GABPB2: variants seen among roughly 807,000 people sequenced by gnomAD.
The protein encoded by GABPB2 is GA binding protein transcription factor subunit beta 2, also known as GA-binding protein subunit beta-2.
GABPB2 carries 23 observed loss-of-function variants against 39.1 expected under a neutral mutation model. The observed-to-expected ratio is 0.59, with a 90% confidence interval of 0.42 to 0.83. The LOEUF (loss-of-function observed/expected upper bound fraction) is 0.83. GABPB2 is among the 40% of genes least tolerant of loss of function. The pLI, the probability that GABPB2 is intolerant of heterozygous loss-of-function variation, is 0.00. For synonymous variants in GABPB2, 184 were observed against 199.3 expected (o/e 0.92, Z 0.65); for missense variants, 467 against 541.1 (o/e 0.86, Z 1.36).
rs587643066 is a variant in GABPB2, at chr1:151,094,493, G to A, written c.471+1107G>A. 1.7e-4 allele frequency among the ~76,000 whole-genome samples: 25 copies of A among 148,938 alleles called. No homozygotes were observed. In the South Asian group the frequency reaches 5.4e-3, roughly 32 times the overall value. On this transcript the variant is annotated intron_variant, in intron 4 of 8. Coordinates refer to ENST00000368918, the MANE Select transcript of GABPB2 (RefSeq NM_144618.3). Reference sequence around the variant, plus strand: ...GCCTCCTGAGTAGCTGAGATTACAGGCACCTGCCATCATGCCCAGCTAATT... The same window carrying A: ...GCCTCCTGAGTAGCTGAGATTACAGACACCTGCCATCATGCCCAGCTAATT...
rs587712280 is a variant in GABPB2 at position 151,082,982 on chromosome 1, A to T, written c.1-5208A>T. ...CAGAAAAAGACCCTGTCTCAAAAAA[A>T]AAAAAAAGAAAAGAAAAAGTTAGTT... On this transcript the variant is annotated intron_variant, in intron 1 of 8. Coordinates refer to ENST00000368918, the MANE Select transcript of GABPB2 (RefSeq NM_144618.3). Among the ~76,000 whole-genome samples, 309 of 152,028 alleles carry T rather than the reference A, an allele frequency of 2.0e-3. 2 individuals carry two copies. The highest frequency in any genetic ancestry group is 7.0e-3 in the African/African-American group (292 of 41,502).
intron 2 of GABPB2, among the ~76,000 whole-genome samples, chr1:151,088,873 G>A (rs1261517405): frequency 6.6e-6 from 1 of 152,150 alleles, no homozygotes; most frequent in African/African-American, 2.4e-5. Flanking sequence ...GGTGGCGCAC[G>A]CCTGTAATCC....
chr1:151,098,869 A>C (rs1396251956), intron 5 of GABPB2, among the ~76,000 whole-genome samples: 2 of 152,082 alleles, frequency 1.3e-5, no homozygotes, highest in Non-Finnish European at 2.9e-5. Context: ...GGATCACCTG[A>C]AGTCAGAAGT....
intron 1 of GABPB2, among the ~76,000 whole-genome samples, chr1:151,082,392 CTTTTTTTTTT>C (rs35044606): frequency 2.1e-5 from 1 of 48,000 alleles, no homozygotes; most frequent in Non-Finnish European, 3.5e-5. Context: ...GTGGTAATTT[CTTTTTTTTTT>C]TTTTTTTTTT....
chr1:151,112,724 C>A, intron 7 of GABPB2: 1 of 209,702 alleles, frequency 4.8e-6, no homozygotes, highest in Admixed American at 4.3e-5. Context: ...CTGCTGGTAA[C>A]CCATCTTGCT....
intron 1 of GABPB2, 91 bp from the exon 2 acceptor site, chr1:151,088,099 C>A (rs1176906801): frequency 7.2e-6 from 6 of 836,592 alleles, no homozygotes; most frequent in South Asian, 1.5e-5. Flanking sequence ...TATATACATT[C>A]AAATATAAGA....
intron 7 of GABPB2, among the ~76,000 whole-genome samples, chr1:151,109,364 A>ATATATT (rs779537595): frequency 3.3e-4 from 37 of 112,368 alleles, no homozygotes; most frequent in Middle Eastern, 0.01. Flanking sequence ...ATATATATAT[A>ATATATT]TTTTTTTTTT....
At chr1:151,091,025 CAAAA>C (rs1217157835) in intron 3 of GABPB2, among the ~76,000 whole-genome samples, 8 of 148,582 alleles carry the variant, frequency 5.4e-5, no homozygotes, top group Non-Finnish European at 7.4e-5. Context: ...AACAAAAAAA[CAAAA>C]AAACAAAAAA....
At chr1:151,088,169 C>T in intron 1 of GABPB2, 21 bp from the exon 2 acceptor site, 1 of 1,582,772 alleles carries the variant, frequency 6.3e-7, no homozygotes, top group East Asian at 2.2e-5. Context: ...TACCTGAAAA[C>T]TTTTGTTCCT....
chr1:151,091,805 G>T (rs1678735279), intron 3 of GABPB2, among the ~76,000 whole-genome samples: 1 of 151,838 alleles, frequency 6.6e-6, no homozygotes, highest in Non-Finnish European at 1.5e-5. Flanking sequence ...TTTGAGACAG[G>T]GTCTCACTCT....
chr1:151,100,466 A>C (rs1177279130), intron 5 of GABPB2, among the ~76,000 whole-genome samples: 1 of 150,492 alleles, frequency 6.6e-6, no homozygotes, highest in African/African-American at 2.4e-5. Flanking sequence ...TTTTTAGTAG[A>C]GATGGGGTTT....
chr1:151,075,623 C>T (rs993971095), intron 1 of GABPB2, among the ~76,000 whole-genome samples: 6 of 148,458 alleles, frequency 4.0e-5, no homozygotes, highest in South Asian at 2.2e-4. Flanking sequence ...ACAGGAGAAT[C>T]GCTACAACCT....
At position 151,118,129 on chromosome 1, in the gene GABPB2, A is replaced by C. The variant is rs1222475328; in HGVS notation, c.1220A>C (p.Glu407Ala). The C allele has an allele frequency of 6.2e-7, 1 of 1,614,142 alleles. No homozygotes were observed. Among genetic ancestry groups the C allele is most frequent in the Non-Finnish European group, 8.5e-7 (1 of 1,180,026 alleles). The change falls in exon 9 of 9, where the codon GAG becomes GCG. Residue 407 changes from glutamate (E) to alanine (A), a missense_variant. Glu to Ala is a moderately radical substitution (Grantham distance 107). Coordinates refer to ENST00000368918, the MANE Select transcript of GABPB2 (RefSeq NM_144618.3). ...PNGVDFTMVE[E>A]VAEVDAVVVT... is the part of the protein sequence containing the mutation. Reference sequence around the variant, plus strand: ...GGAGTTGATTTCACCATGGTTGAAGAGGTGGCTGAGGTAGATGCTGTAGTA... The same window carrying C: ...GGAGTTGATTTCACCATGGTTGAAGCGGTGGCTGAGGTAGATGCTGTAGTA...
intron 5 of GABPB2, 118 bp from the exon 6 acceptor site, chr1:151,103,444 G>T: frequency 1.6e-6 from 1 of 622,440 alleles, no homozygotes; most frequent in South Asian, 2.3e-5. Flanking sequence ...GTTTGAGTTA[G>T]AGAACAAGAT....
rs903594217 is a variant in GABPB2, at chr1:151,076,650, G to C, written c.-1+5716G>C. ...TCACCATGTTGGCCAGGCTGGTCTC[G>C]AACACCTGACCTCAGGTGATCCACC... is the stretch of plus-strand genomic sequence containing the variant. On this transcript the variant is annotated intron_variant, in intron 1 of 8. Transcript: ENST00000368918. Among the ~76,000 whole-genome samples, 3 of 151,810 alleles carry C rather than the reference G, an allele frequency of 2.0e-5. No homozygotes were observed. In the Admixed American group the frequency reaches 2.0e-4, roughly 10 times the overall value.
chr1:151,090,764 C>T (rs1029776488), intron 3 of GABPB2, among the ~76,000 whole-genome samples, 191 bp downstream of exon 3: 11 of 151,764 alleles, frequency 7.2e-5, no homozygotes, highest in Non-Finnish European at 1.5e-5. Context: ...GAGGCCGAGA[C>T]GGGTGGATCA....
intron 1 of GABPB2, among the ~76,000 whole-genome samples, chr1:151,077,656 TA>T (rs796257484): frequency 0.011 from 1,641 of 147,782 alleles, 44 homozygotes; most frequent in African/African-American, 0.038. Context: ...GGCTCAGCTT[TA>T]AAAAAAAAAG....
intron 4 of GABPB2, among the ~76,000 whole-genome samples, chr1:151,094,592 G>A (rs1008492703): frequency 6.7e-6 from 1 of 148,766 alleles, no homozygotes; most frequent in Non-Finnish European, 1.5e-5. Flanking sequence ...CAGGTGATCC[G>A]CCTGCCTCGG....
intron 2 of GABPB2, among the ~76,000 whole-genome samples, chr1:151,089,215 A>G (rs1314688327): frequency 6.6e-6 from 1 of 152,194 alleles, no homozygotes; most frequent in African/African-American, 2.4e-5. Flanking sequence ...GGACTGATTA[A>G]TTGAGAGGCC....
Sources: allele counts gnomAD v4.1 joint callset (sites outside exome capture counted in the v4.1 genomes callset), GRCh38; gene constraint gnomAD v4.1.1; transcripts MANE v1.5; gene names NCBI Gene and HGNC (gene_info 2026-07-23, HGNC 2026-07-21).